The following CACNA1C variants were observed in gnomAD, a reference collection of about 807,000 sequenced individuals.
CACNA1C encodes calcium voltage-gated channel subunit alpha1 C.
Under a neutral mutation model 229.0 loss-of-function variants are expected in CACNA1C, and 30 were observed. The observed-to-expected ratio is 0.13, with a 90% CI of 0.10 to 0.18. CACNA1C has a LOEUF of 0.18. CACNA1C is among the 10% of genes least tolerant of loss of function. The probability of loss-of-function intolerance (pLI) is 1.00; values close to 1 mark genes in which losing one functional copy is unlikely to be tolerated. For missense variants in CACNA1C, 1,658 were observed against 2,845.0 expected (o/e 0.58, Z 9.49); for synonymous variants, 1,114 against 1,132.5 (o/e 0.98, Z 0.33).
Position 2,193,454 on chromosome 12 carries a change from C to CA in CACNA1C, c.477+73033dup, listed in dbSNP as rs35406377. The stretch of plus-strand genomic sequence containing the variant: ...TGGGCAATCGAGCTAGACCCTGTCT[C>CA]AAAAAAAAACAAAAAACAAAAAACT... On this transcript the variant is annotated intron_variant, in intron 3 of 46. Transcript: ENST00000399655. 4.6e-3 allele frequency among the ~76,000 whole-genome samples: 698 copies of CA among 150,664 alleles called. 13 individuals are homozygous for CA. Among genetic ancestry groups the CA allele is most frequent in the South Asian group, 0.034 (164 of 4,762 alleles).
At chr12:2,667,423 CTG>C (rs1417961418) in intron 37 of CACNA1C, among the ~76,000 whole-genome samples, 2 of 152,050 alleles carry the variant, frequency 1.3e-5, no homozygotes, top group Non-Finnish European at 2.9e-5. Flanking sequence ...GGATTCGGCT[CTG>C]TGAGAATCCA....
At chr12:2,527,324 TTG>T (rs1457546463) in intron 9 of CACNA1C, among the ~76,000 whole-genome samples, 1 of 152,194 alleles carries the variant, frequency 6.6e-6, no homozygotes, top group African/African-American at 2.4e-5. Flanking sequence ...TGGGACTTGT[TTG>T]TGTCTTTTGC....
At position 2,303,677 on chromosome 12, in the gene CACNA1C, C is replaced by T. The variant is rs184061520; in HGVS notation, c.478-145299C>T. Among the ~76,000 whole-genome samples, 121 of 152,302 alleles carry T rather than the reference C, an allele frequency of 7.9e-4. 1 individual carries two copies. The highest frequency in any genetic ancestry group is 2.9e-3 in the African/African-American group (120 of 41,564). On this transcript the variant is annotated intron_variant, in intron 3 of 46. Transcript: ENST00000399655. Reference sequence around the variant, plus strand: ...CTGAGGTGCTAGGGGTGAGGGCTTTCGCACATGAGCTTTGGTGGGGACACA... The same window carrying T: ...CTGAGGTGCTAGGGGTGAGGGCTTTTGCACATGAGCTTTGGTGGGGACACA...
chr12:2,018,589 T>C (rs1226111920), intron 1 of CACNA1C, among the ~76,000 whole-genome samples: 1 of 152,128 alleles, frequency 6.6e-6, no homozygotes, highest in East Asian at 1.9e-4. Context: ...GCTTCCTCCA[T>C]CAGCTGAGAT....
Position 2,073,483 on chromosome 12 carries a change from T to A in CACNA1C, c.49+19872T>A, listed in dbSNP as rs371024110. The stretch of plus-strand genomic sequence containing the variant: ...CTCATCCTGGCAATGCAGTGCTGGC[T>A]GTGTCTTGGAGGAGCTGGGCTGGCC... On this transcript the variant is annotated intron_variant, in intron 1 of 46. Coordinates refer to ENST00000399655, the MANE Select transcript of CACNA1C (RefSeq NM_000719.7). 2.6e-5 allele frequency among the ~76,000 whole-genome samples: 4 copies of A among 152,138 alleles called. No individual in the cohort carries two copies. The East Asian group carries it at 5.8e-4, about 22-fold the overall frequency.
chr12:2,592,690 C>T (rs180841953), intron 18 of CACNA1C, among the ~76,000 whole-genome samples: 47 of 147,002 alleles, frequency 3.2e-4, no homozygotes, highest in Admixed American at 2.8e-3. Flanking sequence ...CCTGTTATCT[C>T]GACAGCACAT....
chr12:2,681,912 G>A (rs369886672), intron 42 of CACNA1C: 38 of 1,152,344 alleles, frequency 3.3e-5, no homozygotes, highest in Non-Finnish European at 4.7e-5. Context: ...AAGAGGCCTT[G>A]GTCCAGAGCT....
chr12:2,530,473 G>C (rs1325266978), intron 9 of CACNA1C, among the ~76,000 whole-genome samples: 1 of 152,186 alleles, frequency 6.6e-6, no homozygotes, highest in Non-Finnish European at 1.5e-5. Context: ...ATCTGTAGCA[G>C]TGGCCATCCT....
At chr12:2,279,950 C>T (rs922965621) in intron 3 of CACNA1C, among the ~76,000 whole-genome samples, 12 of 152,180 alleles carry the variant, frequency 7.9e-5, no homozygotes, top group African/African-American at 1.2e-4. Flanking sequence ...AGAATCAATC[C>T]CCTACAGTTA....
At chr12:2,203,126 G>A (rs776183968) in intron 3 of CACNA1C, among the ~76,000 whole-genome samples, 15 of 152,118 alleles carry the variant, frequency 9.9e-5, no homozygotes, top group Non-Finnish European at 1.5e-4. Context: ...ATAGTGAAAC[G>A]TACATAGTAT....
intron 3 of CACNA1C, among the ~76,000 whole-genome samples, chr12:2,326,131 G>A (rs2096279995): frequency 6.6e-6 from 1 of 152,178 alleles, no homozygotes; most frequent in South Asian, 2.1e-4. Flanking sequence ...CTTTTGAGGG[G>A]TGGACTAAAG....
At chr12:2,444,078 C>T (rs562094070) in intron 3 of CACNA1C, among the ~76,000 whole-genome samples, 1 of 152,302 alleles carries the variant, frequency 6.6e-6, no homozygotes, top group Non-Finnish European at 1.5e-5. Flanking sequence ...GCTCTCTGGG[C>T]CCTTCCAGTT....
chr12:2,481,475 A>G (rs990155271), intron 5 of CACNA1C, among the ~76,000 whole-genome samples: 2 of 152,244 alleles, frequency 1.3e-5, no homozygotes, highest in African/African-American at 4.8e-5. Flanking sequence ...TGTAAGAGGA[A>G]GAAAGGAAAT....
At chr12:2,272,804 A>G (rs1392054512) in intron 3 of CACNA1C, among the ~76,000 whole-genome samples, 1 of 152,254 alleles carries the variant, frequency 6.6e-6, no homozygotes, top group Non-Finnish European at 1.5e-5. Context: ...GACTAGTGCT[A>G]CGTTACATTT....
At position 2,693,769 on chromosome 12, in the gene CACNA1C, G is replaced by T. The variant is rs1007998533; in HGVS notation, c.*2570G>T. The T allele has an allele frequency of 6.6e-6, 1 of 152,164 alleles. No individual in the cohort carries two copies. Among genetic ancestry groups the T allele is most frequent in the Non-Finnish European group, 1.5e-5 (1 of 68,042 alleles). The allele number at this position is 152,164 out of a possible 1,614,324, so 9.4% of individuals were successfully genotyped here. A position where few individuals can be genotyped will look rare whatever the true frequency, so the allele number is the denominator to read the frequency against. On this transcript the variant is annotated 3_prime_UTR_variant, in exon 47 of 47. Transcript: ENST00000399655. Reference sequence around the variant, plus strand: ...ATGTCAACAGTGGTGGCTGAAAAGGGACTGCTTTGGGGAAAACAGGACCCA... The same window carrying T: ...ATGTCAACAGTGGTGGCTGAAAAGGTACTGCTTTGGGGAAAACAGGACCCA...
At chr12:2,466,183 C>T (rs188549080) in intron 5 of CACNA1C, among the ~76,000 whole-genome samples, 6 of 152,128 alleles carry the variant, frequency 3.9e-5, no homozygotes, top group Admixed American at 6.5e-5. Flanking sequence ...CTGCTAAAAG[C>T]GGCTTTTCTG....
chr12:2,519,956 G>A (rs2099806395), intron 9 of CACNA1C, among the ~76,000 whole-genome samples: 1 of 152,344 alleles, frequency 6.6e-6, no homozygotes, highest in South Asian at 2.1e-4. Context: ...CTATGGAAAG[G>A]CTGTATTGTG....
At chr12:2,095,294 C>G (rs777058346) in intron 1 of CACNA1C, among the ~76,000 whole-genome samples, 1 of 152,218 alleles carries the variant, frequency 6.6e-6, no homozygotes, top group Non-Finnish European at 1.5e-5. Context: ...AAGGTTATGA[C>G]CCTCCTAATT....
chr12:2,096,663 G>A (rs1176350184), intron 1 of CACNA1C, among the ~76,000 whole-genome samples: 2 of 152,186 alleles, frequency 1.3e-5, no homozygotes, highest in African/African-American at 2.4e-5. Context: ...TCACCATGTT[G>A]TATAACCATC....
Sources: allele counts gnomAD v4.1 joint callset (sites outside exome capture counted in the v4.1 genomes callset), GRCh38; gene constraint gnomAD v4.1.1; transcripts MANE v1.5; gene names NCBI Gene and HGNC (gene_info 2026-07-23, HGNC 2026-07-21).